ASL: variants seen among roughly 807,000 people sequenced by gnomAD.
The protein encoded by ASL is argininosuccinate lyase.
Under a neutral mutation model 69.1 loss-of-function variants are expected in ASL, and 51 were observed. The ratio of observed to expected loss-of-function variants is 0.74; its 90% CI spans 0.59 to 0.93. The LOEUF is 0.93. Among genes scored for constraint, ASL ranks in the 40% least tolerant of loss-of-function variants. The probability of loss-of-function intolerance (pLI) is 0.00; values close to 1 mark genes in which losing one functional copy is unlikely to be tolerated. For synonymous variants in ASL, 241 were observed against 247.6 expected, an observed-to-expected ratio of 0.97 and a Z score of 0.25; for missense variants, 540 against 623.9, an observed-to-expected ratio of 0.87 and a Z score of 1.43.
intron 2 of ASL, among the ~76,000 whole-genome samples, 188 bp from the exon 3 acceptor site, chr7:66,081,615 C>T (rs1033429571): frequency 5.3e-5 from 8 of 151,818 alleles, no homozygotes; most frequent in African/African-American, 1.9e-4. Context: ...TTTTGGTGTT[C>T]AGCCATGTTC....
At chr7:66,084,200 C>T (rs574815611) in intron 6 of ASL, among the ~76,000 whole-genome samples, 1 of 151,490 alleles carries the variant, frequency 6.6e-6, no homozygotes, top group African/African-American at 2.4e-5. Context: ...TGCTCTGTCA[C>T]CTAGTCTGGA....
intron 9 of ASL, 163 bp from the exon 10 acceptor site, chr7:66,087,566 G>GA: frequency 1.0e-6 from 1 of 972,770 alleles, no homozygotes. Context: ...GCCTGGTACT[G>GA]AGAGACTCAG....
In ASL at chr7:66,083,150, G is replaced by C; in HGVS notation, c.422G>C (p.Arg141Thr). 3 of 1,613,298 alleles carry C rather than the reference G, an allele frequency of 1.9e-6. No homozygotes were observed. The highest frequency in any genetic ancestry group is 2.2e-5 in the East Asian group (1 of 44,874). Residue 141 changes from arginine (R) to threonine (T), a missense_variant, in exon 6 of 17, where the codon AGG becomes ACG. Transcript: ENST00000304874. Reference protein sequence around the residue: ...TLSGLLWELIRTMVDRAEAER... With the variant: ...TLSGLLWELITTMVDRAEAER... ...TCGGGCCTCCTCTGGGAGCTCATTA[G>C]GACCATGGTGGATCGGGCAGAGGCG...
At chr7:66,076,460 C>G (rs938111555) in intron 2 of ASL, among the ~76,000 whole-genome samples, 1 of 152,194 alleles carries the variant, frequency 6.6e-6, no homozygotes, top group Non-Finnish European at 1.5e-5. Flanking sequence ...CAGGTCCCAC[C>G]CCACACCACA....
intron 14 of ASL, among the ~76,000 whole-genome samples, chr7:66,090,623 A>G (rs567181975): frequency 6.6e-6 from 1 of 152,214 alleles, no homozygotes; most frequent in South Asian, 2.1e-4. Flanking sequence ...TATAACAGCT[A>G]GAGAATGCAT....
At position 66,087,533 on chromosome 7, in the gene ASL, C is replaced by G; in HGVS notation, c.655+147C>G. On this transcript the variant is annotated intron_variant, in intron 9 of 16. Transcript: ENST00000304874. ...CTATGGGCACTGAGGTCATCAAGTT[C>G]AGGGGTCACTCATGGCAGGGATGCC... The G allele has an allele frequency of 4.5e-6, 5 of 1,119,782 alleles. No homozygotes were observed. The South Asian group carries it at 6.6e-5, about 15-fold the overall frequency. 69.4% of individuals were successfully genotyped at this position (1,119,782 alleles called of 1,614,324 possible).
Position 66,088,871 on chromosome 7 carries a change from C to T in ASL, c.783C>T (p.Ile261=), listed in dbSNP as rs1786749707. 6.2e-7 allele frequency: 1 copy of T among 1,613,962 alleles called. No individual in the cohort carries two copies. The highest frequency in any genetic ancestry group is 1.3e-5 in the African/African-American group (1 of 74,912). The change falls in exon 11 of 17, where the codon ATC becomes ATT. Residue 261 remains isoleucine, a synonymous_variant. Coordinates refer to ENST00000304874, the MANE Select transcript of ASL (RefSeq NM_000048.4). ...TCAGCAGGATGGCCGAGGACCTCAT[C>T]CTCTACTGCACCAAGGAATTCAGCT... The part of the protein sequence containing the change: ...THLSRMAEDL[I]LYCTKEFSFV...
chr7:66,082,717 G>A (rs1786543325), intron 4 of ASL, among the ~76,000 whole-genome samples, 163 bp from the exon 5 acceptor site: 2 of 152,000 alleles, frequency 1.3e-5, no homozygotes, highest in South Asian at 2.1e-4. Context: ...AAAAAGAAAA[G>A]AAAAAAAGAA....
chr7:66,087,715 T>A lies in ASL; in HGVS notation c.656-14T>A, dbSNP rs756638742. The A allele has an allele frequency of 6.3e-5, 101 of 1,613,838 alleles. No individual in the cohort carries two copies. The highest frequency in any genetic ancestry group is 8.3e-5 in the Admixed American group (5 of 59,964). ...TGTCCTCCAGCTTAGCCCTGCTTCC[T>A]CCCACCCCCCCAGAACTCAACTTTG... is the stretch of plus-strand genomic sequence containing the variant. On this transcript the variant is annotated splice_polypyrimidine_tract_variant and intron_variant, in intron 9 of 16. Coordinates refer to ENST00000304874, the MANE Select transcript of ASL (RefSeq NM_000048.4).
chr7:66,081,894 G>A lies in ASL; in HGVS notation c.104G>A (p.Trp35Ter). ...NASIAYDRHLWEVDVQGSKAY... is the reference protein window; with the variant it reads ...NASIAYDRHL ...TCCATTGCCTACGACCGGCACCTTT[G>A]GGAGGTGGATGTTCAAGGCAGCAAA... Residue 35 changes from tryptophan (W) to a stop codon, truncating the protein, a stop_gained, in exon 3 of 17, where the codon TGG (tryptophan) becomes TAG (stop). Transcript: ENST00000304874. LOFTEE classifies it high-confidence loss of function. 1 of 1,614,002 alleles carries A rather than the reference G, an allele frequency of 6.2e-7. No homozygotes were observed. The highest frequency in any genetic ancestry group is 2.2e-5 in the East Asian group (1 of 44,864).
At chr7:66,089,205 T>A (rs1256568081) in intron 12 of ASL, 30 bp downstream of exon 12, 2 of 1,612,782 alleles carry the variant, frequency 1.2e-6, no homozygotes, top group African/African-American at 2.7e-5. Flanking sequence ...GGGCGGGGCC[T>A]CTGGGCTGAT....
intron 3 of ASL, 69 bp from the exon 4 acceptor site, chr7:66,082,299 C>G (rs1014237581): frequency 2.0e-6 from 3 of 1,477,822 alleles, no homozygotes; most frequent in Non-Finnish European, 1.9e-6. Flanking sequence ...AGGGTGGGAC[C>G]AAGGCAGGGG....
At chr7:66,083,965 C>T (rs1786586896) in intron 6 of ASL, among the ~76,000 whole-genome samples, 1 of 152,122 alleles carries the variant, frequency 6.6e-6, no homozygotes, top group Non-Finnish European at 1.5e-5. Flanking sequence ...GGACGAAGAG[C>T]TGCTGAGAAG....
intron 16 of ASL, 42 bp downstream of exon 16, chr7:66,092,705 A>G (rs1188321433): frequency 6.2e-7 from 1 of 1,613,542 alleles, no homozygotes; most frequent in Non-Finnish European, 8.5e-7. Flanking sequence ...CTAGGAAGTG[A>G]GCCTGGGTGC....
Position 66,081,915 on chromosome 7 carries a change from G to T in ASL, c.125G>T (p.Ser42Ile). The change falls in exon 3 of 17, where the codon AGC becomes ATC. Residue 42 changes from serine to isoleucine, a missense_variant. Ser to Ile is a moderately radical substitution (Grantham distance 142, BLOSUM62 -2). Coordinates refer to ENST00000304874, the MANE Select transcript of ASL (RefSeq NM_000048.4). ...CTTTGGGAGGTGGATGTTCAAGGCA[G>T]CAAAGCCTACAGCAGGGGCCTGGAG... ...RHLWEVDVQG[S>I]KAYSRGLEKA... 6.2e-7 allele frequency: 1 copy of T among 1,613,956 alleles called. No homozygotes were observed. The highest frequency in any genetic ancestry group is 8.5e-7 in the Non-Finnish European group (1 of 1,179,988).
intron 10 of ASL, 104 bp downstream of exon 10, chr7:66,087,895 G>A (rs1786717799): frequency 3.4e-6 from 5 of 1,458,652 alleles, no homozygotes; most frequent in Non-Finnish European, 4.8e-6. Flanking sequence ...GCTGGTTGTG[G>A]TGATATTGTA....
rs149057077 is a variant in ASL at position 66,088,855 on chromosome 7, T to C, written c.767T>C (p.Met256Thr). 54 of 1,613,924 alleles carry C rather than the reference T, an allele frequency of 3.3e-5. No individual in the cohort carries two copies. The highest frequency in any genetic ancestry group is 4.4e-5 in the Non-Finnish European group (52 of 1,180,022). Residue 256 changes from methionine to threonine, a missense_variant, in exon 11 of 17, where the codon ATG becomes ACG. Transcript: ENST00000304874. ...ASLCMTHLSR[M>T]AEDLILYCTK... ...CTGTGCATGACCCATCTCAGCAGGA[T>C]GGCCGAGGACCTCATCCTCTACTGC...
intron 6 of ASL, among the ~76,000 whole-genome samples, chr7:66,083,916 C>A (rs1046791976): frequency 2.0e-5 from 3 of 152,052 alleles, no homozygotes; most frequent in Non-Finnish European, 1.5e-5. Context: ...GCTTCTGGGA[C>A]CTGGTGTCTT....
Position 66,083,150 on chromosome 7 carries a change from G to T in ASL, c.422G>T (p.Arg141Met). 1 of 1,613,298 alleles carries T rather than the reference G, an allele frequency of 6.2e-7. No individual in the cohort carries two copies. The highest frequency in any genetic ancestry group is 8.5e-7 in the Non-Finnish European group (1 of 1,179,964). ...TLSGLLWELI[R>M]TMVDRAEAER... is the part of the protein sequence containing the mutation. ...TCGGGCCTCCTCTGGGAGCTCATTAGGACCATGGTGGATCGGGCAGAGGCG... is the reference window on the plus strand; with the variant it reads ...TCGGGCCTCCTCTGGGAGCTCATTATGACCATGGTGGATCGGGCAGAGGCG... Residue 141 changes from arginine to methionine, a missense_variant, in exon 6 of 17, where the codon AGG becomes ATG. Arg to Met is a moderately conservative substitution (Grantham distance 91). Transcript: ENST00000304874.
Sources: allele counts gnomAD v4.1 joint callset (sites outside exome capture counted in the v4.1 genomes callset), GRCh38; gene constraint gnomAD v4.1.1; transcripts MANE v1.5; gene names NCBI Gene and HGNC (gene_info 2026-07-23, HGNC 2026-07-21).